GPC5: variants seen among roughly 807,000 people sequenced by gnomAD.
The protein encoded by GPC5 is glypican-5.
GPC5 carries 47 observed loss-of-function variants against 53.9 expected under a neutral mutation model. The ratio of observed to expected loss-of-function variants is 0.87; its 90% CI spans 0.69 to 1.11. The LOEUF is 1.11. GPC5 is among the 50% of genes most tolerant of loss of function. GPC5 has a pLI of 0.00. For synonymous variants in GPC5, 286 were observed against 263.3 expected, an observed-to-expected ratio of 1.09 and a Z score of -0.84; for missense variants, 748 against 713.1, an observed-to-expected ratio of 1.05 and a Z score of -0.56.
chr13:91,913,747 A>T (rs1194508132), intron 6 of GPC5, among the ~76,000 whole-genome samples: 1 of 152,132 alleles, frequency 6.6e-6, no homozygotes, highest in Non-Finnish European at 1.5e-5. Flanking sequence ...CCATTGTGCA[A>T]ATTCTCAGAG....
chr13:92,751,302 T>TAAAAAAAAAAAAAAAAAAAAAAAA lies in GPC5; in HGVS notation c.1562-114980_1562-114979insAAAAAAAAAAAAAAAAAAAAAAAA, dbSNP rs1566400471. Reference sequence around the variant, plus strand: ...AAAACCTTTGGTCATCCAGAAACATTTAAAAAAAAAAAAAAAAAAAAAAAA... The same window carrying TAAAAAAAAAAAAAAAAAAAAAAAA: ...AAAACCTTTGGTCATCCAGAAACATTAAAAAAAAAAAAAAAAAAAAAAAATAAAAAAAAAAAAAAAAAAAAAAAA... On this transcript the variant is annotated intron_variant, in intron 7 of 7. Transcript: ENST00000377067. Among the ~76,000 whole-genome samples the TAAAAAAAAAAAAAAAAAAAAAAAA allele has an allele frequency of 1.2e-3, 42 of 34,424 alleles. 12 individuals are homozygous for TAAAAAAAAAAAAAAAAAAAAAAAA. Among genetic ancestry groups the TAAAAAAAAAAAAAAAAAAAAAAAA allele is most frequent in the East Asian group, 2.8e-3 (4 of 1,418 alleles). The allele number at this position is 34,424 out of a possible 152,430, so 22.6% of individuals were successfully genotyped here.
At position 91,971,155 on chromosome 13, in the gene GPC5, G is replaced by T. The variant is rs545030258; in HGVS notation, c.1401+63098G>T. The stretch of plus-strand genomic sequence containing the variant: ...CCCACAATTTCAGAGCCTGTTATTG[G>T]TCTATTCAGAGATTCAACTTCTTCT... On this transcript the variant is annotated intron_variant, in intron 6 of 7. Transcript: ENST00000377067. 3.7e-4 allele frequency among the ~76,000 whole-genome samples: 56 copies of T among 152,252 alleles called. No individual in the cohort carries two copies. In the South Asian group the frequency reaches 0.011, roughly 30 times the overall value.
At chr13:91,808,113 T>A (rs1032656253) in intron 5 of GPC5, among the ~76,000 whole-genome samples, 1 of 152,098 alleles carries the variant, frequency 6.6e-6, no homozygotes, top group Non-Finnish European at 1.5e-5. Flanking sequence ...GGAAAAAAAA[T>A]GAATTTTAGA....
At chr13:92,742,701 T>G (rs57102421) in intron 7 of GPC5, among the ~76,000 whole-genome samples, 118 of 152,322 alleles carry the variant, frequency 7.7e-4, no homozygotes, top group Middle Eastern at 3.4e-3. Flanking sequence ...CTTCCAGGGT[T>G]TTTATGGGTT....
At chr13:91,697,294 C>T (rs1462653238) in intron 3 of GPC5, among the ~76,000 whole-genome samples, 3 of 152,096 alleles carry the variant, frequency 2.0e-5, no homozygotes, top group Admixed American at 6.6e-5. Context: ...AGGTGCCTGC[C>T]ACCATGCCCA....
chr13:91,690,064 C>T (rs2035723917), intron 2 of GPC5, among the ~76,000 whole-genome samples: 1 of 152,122 alleles, frequency 6.6e-6, no homozygotes, highest in Non-Finnish European at 1.5e-5. Context: ...GTTATGATGG[C>T]TATGATGTCA....
At chr13:92,053,696 A>G (rs1246661292) in intron 6 of GPC5, among the ~76,000 whole-genome samples, 1 of 152,046 alleles carries the variant, frequency 6.6e-6, no homozygotes, top group East Asian at 1.9e-4. Flanking sequence ...AAGAAGTTGT[A>G]TATTACTTTG....
intron 1 of GPC5, among the ~76,000 whole-genome samples, chr13:91,440,764 C>G (rs1251676809): frequency 6.6e-6 from 1 of 152,202 alleles, no homozygotes; most frequent in Non-Finnish European, 1.5e-5. Context: ...CCGGTTTGGA[C>G]TCAAACTGTC....
intron 7 of GPC5, among the ~76,000 whole-genome samples, chr13:92,673,839 T>C (rs1886837429): frequency 6.6e-6 from 1 of 152,054 alleles, no homozygotes; most frequent in South Asian, 2.1e-4. Flanking sequence ...AGAAAGCTAG[T>C]CATGTTAAAA....
chr13:92,236,040 C>A (rs552371066), intron 7 of GPC5, among the ~76,000 whole-genome samples: 1 of 152,000 alleles, frequency 6.6e-6, no homozygotes. Context: ...TAAGAGAAGT[C>A]TGATCCTTGT....
At chr13:92,758,488 A>G (rs1448539979) in intron 7 of GPC5, among the ~76,000 whole-genome samples, 1 of 152,180 alleles carries the variant, frequency 6.6e-6, no homozygotes, top group African/African-American at 2.4e-5. Context: ...TAATAAAAAA[A>G]AGAATATTTT....
intron 7 of GPC5, among the ~76,000 whole-genome samples, chr13:92,224,242 T>C (rs2042468743): frequency 2.0e-5 from 3 of 152,126 alleles, no homozygotes; most frequent in Admixed American, 2.0e-4. Context: ...AATGTTATTG[T>C]TGAACCAACC....
chr13:92,566,773 C>T (rs1882875726), intron 7 of GPC5, among the ~76,000 whole-genome samples: 2 of 152,018 alleles, frequency 1.3e-5, no homozygotes, highest in Admixed American at 1.3e-4. Flanking sequence ...ATCCCACCTT[C>T]CAATTCCCAA....
chr13:92,194,261 G>C (rs2139051715), intron 7 of GPC5, among the ~76,000 whole-genome samples: 1 of 152,148 alleles, frequency 6.6e-6, no homozygotes, highest in East Asian at 1.9e-4. Flanking sequence ...TTCATCCTGT[G>C]TGCTTGGGAT....
intron 7 of GPC5, among the ~76,000 whole-genome samples, chr13:92,263,491 A>G (rs1389288772): frequency 6.6e-6 from 1 of 152,158 alleles, no homozygotes; most frequent in Non-Finnish European, 1.5e-5. Flanking sequence ...TTTTAAGAAG[A>G]AAGATTCTGC....
intron 2 of GPC5, among the ~76,000 whole-genome samples, chr13:91,468,874 C>T (rs368890400): frequency 1.0e-4 from 14 of 134,988 alleles, no homozygotes; most frequent in Middle Eastern, 4.2e-3. Flanking sequence ...AGATAATGGT[C>T]TTTTTTTTTT....
chr13:92,191,447 C>A (rs1373859441), intron 7 of GPC5, among the ~76,000 whole-genome samples: 1 of 152,122 alleles, frequency 6.6e-6, no homozygotes, highest in Non-Finnish European at 1.5e-5. Context: ...AATGCTACAA[C>A]CACTTTGAAA....
chr13:91,796,920 A>C (rs572444939), intron 5 of GPC5, among the ~76,000 whole-genome samples: 15 of 152,180 alleles, frequency 9.9e-5, no homozygotes, highest in Non-Finnish European at 2.1e-4. Context: ...TTTTAAAATT[A>C]GTATTTTTCC....
intron 2 of GPC5, among the ~76,000 whole-genome samples, chr13:91,668,952 A>G (rs2035181700): frequency 6.6e-6 from 1 of 152,230 alleles, no homozygotes; most frequent in African/African-American, 2.4e-5. Flanking sequence ...AAAATAGCAC[A>G]CGTTGATTAA....
Sources: gnomAD v4.1 joint callset for allele counts (sites outside exome capture counted in the v4.1 genomes callset) on GRCh38, gnomAD v4.1.1 for gene constraint, MANE v1.5 for transcripts, NCBI Gene and HGNC (gene_info 2026-07-23, HGNC 2026-07-21) for gene names.